Variants in DLGAP2 observed in about 807,000 individuals in gnomAD.
DLGAP2 encodes DLG associated protein 2.
Under a neutral mutation model 100.3 loss-of-function variants are expected in DLGAP2, and 26 were observed. That is an observed-to-expected ratio of 0.26 (90% CI 0.19 to 0.36). The LOEUF is 0.36. Among genes scored for constraint, DLGAP2 ranks in the 10% least tolerant of loss-of-function variants. DLGAP2 has a pLI of 1.00. For synonymous variants in DLGAP2, 886 were observed against 630.1 expected (o/e 1.41, Z -6.08); for missense variants, 1,858 against 1,453.2 (o/e 1.28, Z -4.53).
intron 4 of DLGAP2, among the ~76,000 whole-genome samples, chr8:1,509,397 C>A (rs1331945405): frequency 6.6e-6 from 1 of 151,308 alleles, no homozygotes; most frequent in African/African-American, 2.4e-5. Context: ...GAGCACATGT[C>A]TAATGAAACA....
chr8:1,360,434 C>T (rs1801957709), intron 3 of DLGAP2, among the ~76,000 whole-genome samples: 1 of 151,674 alleles, frequency 6.6e-6, no homozygotes, highest in Non-Finnish European at 1.5e-5. Context: ...CCTCCAGGTG[C>T]CCTGAGTGTT....
At chr8:1,616,363 T>C (rs1022466953) in intron 6 of DLGAP2, among the ~76,000 whole-genome samples, 4 of 152,098 alleles carry the variant, frequency 2.6e-5, no homozygotes, top group African/African-American at 9.7e-5. Context: ...ATTTTACAAA[T>C]TTGGTTTGAA....
At chr8:891,259 G>C (rs777661483) in intron 1 of DLGAP2, 1 of 152,388 alleles carries the variant, frequency 6.6e-6, no homozygotes, top group Non-Finnish European at 1.5e-5. Context: ...ATGTCAGGAA[G>C]GGTATTTTAT....
intron 6 of DLGAP2, among the ~76,000 whole-genome samples, chr8:1,592,659 G>A (rs1256025067): frequency 3.9e-5 from 6 of 152,120 alleles, no homozygotes; most frequent in Non-Finnish European, 5.9e-5. Flanking sequence ...AGAATTCTCC[G>A]TGTGTCATTT....
rs186435092 is a variant in DLGAP2 at position 937,133 on chromosome 8, C to T, written c.73+29167C>T. 1.4e-3 allele frequency among the ~76,000 whole-genome samples: 215 copies of T among 152,284 alleles called. 3 individuals carry two copies. Among genetic ancestry groups the T allele is most frequent in the African/African-American group, 5.0e-3 (206 of 41,566 alleles). ...TCTTCTTAAGACTTTCTCCTGAGGA[C>T]GCTCCTCAAGTCTCCCTCGCTCGCC... is the stretch of plus-strand genomic sequence containing the variant. On this transcript the variant is annotated intron_variant, in intron 2 of 14. Transcript: ENST00000637795.
chr8:769,831 G>T (rs890747754), intron 1 of DLGAP2, among the ~76,000 whole-genome samples: 3 of 152,098 alleles, frequency 2.0e-5, no homozygotes, highest in Non-Finnish European at 4.4e-5. Context: ...CAGGCCCCTA[G>T]AGCAGCCTCC....
chr8:1,127,350 T>A (rs562445117), intron 2 of DLGAP2, among the ~76,000 whole-genome samples: 106 of 152,164 alleles, frequency 7.0e-4, no homozygotes, highest in Non-Finnish European at 1.1e-3. Flanking sequence ...ACGGGCAGGC[T>A]GAGAGCCATG....
At chr8:859,930 A>G (rs1797358378) in intron 1 of DLGAP2, among the ~76,000 whole-genome samples, 1 of 152,086 alleles carries the variant, frequency 6.6e-6, no homozygotes, top group Admixed American at 6.6e-5. Flanking sequence ...TAACATTTCC[A>G]GTATTGAGGT....
intron 2 of DLGAP2, among the ~76,000 whole-genome samples, chr8:936,915 C>G (rs1386994672): frequency 6.6e-6 from 1 of 152,200 alleles, no homozygotes; most frequent in Non-Finnish European, 1.5e-5. Flanking sequence ...ACCATTTTCA[C>G]AAAGCGCACT....
At chr8:1,036,489 C>T (rs80342880) in intron 2 of DLGAP2, among the ~76,000 whole-genome samples, 24,501 of 152,180 alleles carry the variant, frequency 0.16, 2,511 homozygotes, top group Non-Finnish European at 0.23. Context: ...GCCGTGGGGA[C>T]GGTCGGGGGA....
chr8:1,610,678 T>C (rs1349033302), intron 6 of DLGAP2, among the ~76,000 whole-genome samples: 4 of 131,538 alleles, frequency 3.0e-5, no homozygotes, highest in African/African-American at 1.3e-4. Context: ...AAGAATCAAA[T>C]AGACACAATA....
chr8:858,454 G>A (rs1380166041), intron 1 of DLGAP2, among the ~76,000 whole-genome samples: 1 of 152,184 alleles, frequency 6.6e-6, no homozygotes, highest in East Asian at 1.9e-4. Flanking sequence ...GGAGCCCAGA[G>A]GAATTTTATG....
intron 3 of DLGAP2, among the ~76,000 whole-genome samples, chr8:1,325,076 C>G (rs1377618778): frequency 1.3e-5 from 2 of 152,182 alleles, no homozygotes; most frequent in Non-Finnish European, 2.9e-5. Flanking sequence ...GCCTGGCATC[C>G]TTGGCCTCCA....
At position 868,169 on chromosome 8, in the gene DLGAP2, A is replaced by C. The variant is rs559383656; in HGVS notation, c.19-39743A>C. On this transcript the variant is annotated intron_variant, in intron 1 of 14. Coordinates refer to ENST00000637795, the MANE Select transcript of DLGAP2 (RefSeq NM_001346810.2). ...TGTAATTAACCCTATGGATACAGTG[A>C]GTAAAGGGTTTATGAGAGGAAGAAG... 9.3e-4 allele frequency among the ~76,000 whole-genome samples: 141 copies of C among 152,324 alleles called. 2 individuals are homozygous for C. Among genetic ancestry groups the C allele is most frequent in the African/African-American group, 3.4e-3 (140 of 41,568 alleles).
intron 2 of DLGAP2, among the ~76,000 whole-genome samples, chr8:1,186,183 C>T (rs893610642): frequency 1.4e-4 from 22 of 152,224 alleles, no homozygotes; most frequent in Admixed American, 7.9e-4. Context: ...GCCAGGATTG[C>T]GATGGGTCGG....
At chr8:1,426,512 G>A (rs573530873) in intron 3 of DLGAP2, among the ~76,000 whole-genome samples, 3 of 152,166 alleles carry the variant, frequency 2.0e-5, no homozygotes, top group Non-Finnish European at 4.4e-5. Flanking sequence ...TGTATCCAGG[G>A]AACAGTGGCT....
At chr8:1,205,978 C>T (rs545179461) in intron 2 of DLGAP2, among the ~76,000 whole-genome samples, 2 of 152,130 alleles carry the variant, frequency 1.3e-5, no homozygotes, top group African/African-American at 4.8e-5. Flanking sequence ...TGTAGAAAGA[C>T]CTCATCTCAA....
At chr8:1,168,136 G>T (rs1341168560) in intron 2 of DLGAP2, among the ~76,000 whole-genome samples, 1 of 147,710 alleles carries the variant, frequency 6.8e-6, no homozygotes, top group Non-Finnish European at 1.5e-5. Context: ...GCGGTGTTTG[G>T]TTTTTTGTTC....
At chr8:756,452 G>T (rs1157163252) in intron 1 of DLGAP2, among the ~76,000 whole-genome samples, 1 of 152,180 alleles carries the variant, frequency 6.6e-6, no homozygotes, top group Non-Finnish European at 1.5e-5. Flanking sequence ...ATATATTAGA[G>T]AAGATTTTAA....
Sources: gnomAD v4.1 joint callset for allele counts (sites outside exome capture counted in the v4.1 genomes callset) on GRCh38, gnomAD v4.1.1 for gene constraint, MANE v1.5 for transcripts, NCBI Gene and HGNC (gene_info 2026-07-23, HGNC 2026-07-21) for gene names.